Variants in NOTCH1 observed in about 807,000 individuals in gnomAD.
The protein encoded by NOTCH1 is notch receptor 1.
NOTCH1 carries 37 observed loss-of-function variants against 254.8 expected under a neutral mutation model. That is an observed-to-expected ratio of 0.15 (90% CI 0.11 to 0.19). The LOEUF is 0.19. Among genes scored for constraint, NOTCH1 ranks in the 10% least tolerant of loss-of-function variants. NOTCH1 has a pLI of 1.00. For synonymous variants in NOTCH1, 1,731 were observed against 1,618.1 expected (o/e 1.07, Z -1.68); for missense variants, 2,972 against 3,708.6 (o/e 0.80, Z 5.16).
At chr9:136,499,866 T>C (rs1842970299) in intron 31 of NOTCH1, among the ~76,000 whole-genome samples, 1 of 152,234 alleles carries the variant, frequency 6.6e-6, no homozygotes. Flanking sequence ...TTCCACGCTC[T>C]TTCTGCTCAC....
chr9:136,538,567 G>T (rs1843688400), intron 2 of NOTCH1, among the ~76,000 whole-genome samples: 1 of 152,274 alleles, frequency 6.6e-6, no homozygotes, highest in Non-Finnish European at 1.5e-5. Flanking sequence ...CCGGCCCACA[G>T]GTGTGATGCC....
chr9:136,519,544 T>C lies in NOTCH1; in HGVS notation c.764A>G (p.Glu255Gly), dbSNP rs1186718194. 3 of 1,612,782 alleles carry C rather than the reference T, an allele frequency of 1.9e-6. No individual in the cohort carries two copies. In the Admixed American group the frequency reaches 5.0e-5, roughly 27 times the overall value. The change falls in exon 5 of 34, where the codon GAG (glutamate) becomes GGG (glycine). Residue 255 changes from glutamate (E) to glycine (G), a missense_variant. This residue lies in a region of NOTCH1 where 374 missense variants were observed against 496.3 expected (regional missense o/e 0.75). Transcript: ENST00000651671. The part of the protein sequence containing the change: ...CLPGFTGQNC[E>G]ENIDDCPGNN... ...TCCTGGACAATCGTCGATATTTTCCTCACAGTTCTGGCCGGTGAAGCCTGC... is the reference window on the plus strand; with the variant it reads ...TCCTGGACAATCGTCGATATTTTCCCCACAGTTCTGGCCGGTGAAGCCTGC...
intron 31 of NOTCH1, among the ~76,000 whole-genome samples, 173 bp downstream of exon 31, chr9:136,500,379 G>A (rs1321941546): frequency 6.6e-6 from 1 of 152,182 alleles, no homozygotes; most frequent in African/African-American, 2.4e-5. Flanking sequence ...TGGGCCCGAC[G>A]CCCTCCCCCT....
chr9:136,494,616 G>T lies in NOTCH1; in HGVS notation c.*1455C>A, dbSNP rs1390433720. On this transcript the variant is annotated 3_prime_UTR_variant, in exon 34 of 34. Coordinates refer to ENST00000651671, the MANE Select transcript of NOTCH1 (RefSeq NM_017617.5). ...TGGGACGCATCTGGTCATGCCCCCT[G>T]GGGATGGCACCACGCGGCCCCCGTA... 5.0e-6 allele frequency: 2 copies of T among 398,830 alleles called. No homozygotes were observed. Among genetic ancestry groups the T allele is most frequent in the Admixed American group, 4.4e-5 (1 of 22,722 alleles). The allele number at this position is 398,830 out of a possible 1,614,324, so 24.7% of individuals were successfully genotyped here. A position where few individuals can be genotyped will look rare whatever the true frequency, so the allele number is the denominator to read the frequency against.
At chr9:136,512,149 C>T (rs1442666472) in intron 15 of NOTCH1, among the ~76,000 whole-genome samples, 2 of 152,250 alleles carry the variant, frequency 1.3e-5, no homozygotes, top group East Asian at 3.9e-4. Flanking sequence ...CCTGCCGGCC[C>T]GATCGACGTG....
chr9:136,536,135 C>G (rs2133396016), intron 2 of NOTCH1, among the ~76,000 whole-genome samples: 1 of 152,250 alleles, frequency 6.6e-6, no homozygotes, highest in Non-Finnish European at 1.5e-5. Flanking sequence ...CTAGGACCGC[C>G]TATAACCGCC....
intron 3 of NOTCH1, among the ~76,000 whole-genome samples, chr9:136,523,432 A>T (rs1279134440): frequency 1.3e-5 from 2 of 152,172 alleles, no homozygotes; most frequent in African/African-American, 4.8e-5. Context: ...TCACCCTAAC[A>T]GGTGAGGGCC....
At position 136,545,762 on chromosome 9, in the gene NOTCH1, G is replaced by A; in HGVS notation, c.25C>T (p.Leu9Phe). Reference sequence around the variant, plus strand: ...AGCGCGGGCAGCAGCGCCAGGCAGAGCAGGGGCGCCAGGAGCGGCGGCATG... The same window carrying A: ...AGCGCGGGCAGCAGCGCCAGGCAGAACAGGGGCGCCAGGAGCGGCGGCATG... MPPLLAPLLCLALLPALAA... is the reference protein window; with the variant it reads MPPLLAPLFCLALLPALAA... Residue 9 changes from leucine (L) to phenylalanine (F), a missense_variant, in exon 1 of 34, where the codon CTC becomes TTC. Leu to Phe is a conservative substitution (Grantham distance 22, BLOSUM62 0). Coordinates refer to ENST00000651671, the MANE Select transcript of NOTCH1 (RefSeq NM_017617.5). The surrounding 1 kb of genome is among the most constrained non-coding windows in gnomAD (Gnocchi z 6.8). 4 of 1,375,276 alleles carry A rather than the reference G, an allele frequency of 2.9e-6. No homozygotes were observed. The South Asian group carries it at 4.8e-5, about 17-fold the overall frequency. The allele number at this position is 1,375,276 out of a possible 1,614,324, so 85.2% of individuals were successfully genotyped here. A position where few individuals can be genotyped will look rare whatever the true frequency, so the allele number is the denominator to read the frequency against.
At position 136,517,204 on chromosome 9, in the gene NOTCH1, C is replaced by A. The variant is rs187403692; in HGVS notation, c.1555+68G>T. On this transcript the variant is annotated intron_variant, in intron 9 of 33. Transcript: ENST00000651671. Reference sequence around the variant, plus strand: ...GCCCGGGGGCAGGGGACACAACCCACGCCCAGGCACCCCTCAGGAGGCCAG... The same window carrying A: ...GCCCGGGGGCAGGGGACACAACCCAAGCCCAGGCACCCCTCAGGAGGCCAG... 4 of 1,023,030 alleles carry A rather than the reference C, an allele frequency of 3.9e-6. No homozygotes were observed. In the African/African-American group the frequency reaches 4.9e-5, roughly 12 times the overall value. 63.4% of individuals were successfully genotyped at this position (1,023,030 alleles called of 1,614,324 possible).
intron 2 of NOTCH1, among the ~76,000 whole-genome samples, chr9:136,524,634 CTTTTCTTTTTT>C (rs1564204367): frequency 1.6e-5 from 2 of 127,802 alleles, no homozygotes; most frequent in Non-Finnish European, 1.6e-5. Flanking sequence ...CTTTCTTTTT[CTTTTCTTTTTT>C]TTTTTTTTTT....
chr9:136,514,480 T>G (rs776948137), intron 13 of NOTCH1, 30 bp downstream of exon 13: 9 of 1,547,406 alleles, frequency 5.8e-6, no homozygotes, highest in African/African-American at 1.4e-5. Flanking sequence ...TTAGGACTGA[T>G]GTGTCCCCAT....
intron 3 of NOTCH1, among the ~76,000 whole-genome samples, chr9:136,523,483 C>T (rs1843408130): frequency 6.6e-6 from 1 of 152,180 alleles, no homozygotes; most frequent in African/African-American, 2.4e-5. Flanking sequence ...GGCCTGGACA[C>T]AGAGGCTCCC....
At position 136,509,867 on chromosome 9, in the gene NOTCH1, G is replaced by C. The variant is rs756174213; in HGVS notation, c.2835C>G (p.Asp945Glu). Reference protein sequence around the residue: ...PGFRGTFCEEDINECASDPCR... With the variant: ...PGFRGTFCEEEINECASDPCR... ...AGGGGTCACTGGCACACTCGTTGAT[G>C]TCCTCCTCACAGAAAGTGCCCCGGA... The change falls in exon 18 of 34, where the codon GAC becomes GAG. Residue 945 changes from aspartate (D) to glutamate (E), a missense_variant. By Grantham distance (45) the Asp-to-Glu change is conservative. Around this residue, in one of 8 missense-constraint regions of NOTCH1, gnomAD observed 1,343 missense variants for 1,557.0 expected, o/e 0.86. Coordinates refer to ENST00000651671, the MANE Select transcript of NOTCH1 (RefSeq NM_017617.5). The C allele has an allele frequency of 2.0e-5, 33 of 1,613,158 alleles. No individual in the cohort carries two copies. The highest frequency in any genetic ancestry group is 2.6e-5 in the Non-Finnish European group (31 of 1,180,024).
intron 2 of NOTCH1, among the ~76,000 whole-genome samples, chr9:136,541,165 C>T (rs934087909): frequency 2.0e-5 from 3 of 152,158 alleles, no homozygotes; most frequent in African/African-American, 7.2e-5. Flanking sequence ...CCATCCTCCG[C>T]CCACCAGCAT....
chr9:136,510,231 AG>A (rs1843156972), intron 17 of NOTCH1, among the ~76,000 whole-genome samples: 1 of 152,208 alleles, frequency 6.6e-6, no homozygotes, highest in Non-Finnish European at 1.5e-5. Context: ...CAGACCGAGC[AG>A]GGGAGGAGAG....
intron 26 of NOTCH1, 58 bp downstream of exon 26, chr9:136,504,615 G>T (rs1489289395): frequency 1.4e-6 from 2 of 1,441,024 alleles, no homozygotes; most frequent in Non-Finnish European, 1.8e-6. Flanking sequence ...CAGGGAGGCC[G>T]TCGGGGAGGG....
intron 2 of NOTCH1, among the ~76,000 whole-genome samples, chr9:136,533,435 G>A (rs1043725252): frequency 1.1e-4 from 17 of 152,266 alleles, no homozygotes; most frequent in Admixed American, 7.8e-4. Flanking sequence ...GAAACCGAGC[G>A]GAACTTGGGG....
chr9:136,506,629 G>A lies in NOTCH1; in HGVS notation c.3912C>T (p.Cys1304=), dbSNP rs763045035. The A allele has an allele frequency of 3.7e-6, 6 of 1,607,612 alleles. No individual in the cohort carries two copies. Among genetic ancestry groups the A allele is most frequent in the South Asian group, 1.1e-5 (1 of 90,118 alleles). Residue 1304 remains cysteine (C), a synonymous_variant, in exon 24 of 34, where the codon TGC becomes TGT. Transcript: ENST00000651671. This position sits in a 1 kb window ranked among gnomAD's most constrained non-coding sequence, Gnocchi z 4.5. ...ECRAGHTGRR[C]ESVINGCKGK... ...CTTTGCAGCCATTGATGACGGACTC[G>A]CAGCGGCGCCCTAGGGGTAAGAGCA...
chr9:136,544,891 C>A (rs1232300835), intron 1 of NOTCH1, among the ~76,000 whole-genome samples: 1 of 151,090 alleles, frequency 6.6e-6, no homozygotes, highest in Non-Finnish European at 1.5e-5. Context: ...CCCCATCTTA[C>A]CGGGGCTGAG....
Sources: allele counts gnomAD v4.1 joint callset (sites outside exome capture counted in the v4.1 genomes callset), GRCh38; gene constraint gnomAD v4.1.1; regional missense constraint gnomAD v4.1.1; non-coding constraint Gnocchi (gnomAD v3.1); transcripts MANE v1.5; gene names NCBI Gene and HGNC (gene_info 2026-07-23, HGNC 2026-07-21).